LMO1: variants seen among roughly 807,000 people sequenced by gnomAD.
LMO1 encodes LIM domain only 1, also known as rhombotin-1.
Under a neutral mutation model 18.0 loss-of-function variants are expected in LMO1, and 10 were observed. The observed-to-expected ratio is 0.55, with a 90% confidence interval of 0.34 to 0.94. The LOEUF (loss-of-function observed/expected upper bound fraction) is 0.94. Among genes scored for constraint, LMO1 ranks in the 40% least tolerant of loss-of-function variants. The pLI, the probability that LMO1 is intolerant of heterozygous loss-of-function variation, is 0.02. For synonymous variants in LMO1, 77 were observed against 77.9 expected, an observed-to-expected ratio of 0.99 and a Z score of 0.06; for missense variants, 183 against 205.7, an observed-to-expected ratio of 0.89 and a Z score of 0.68.
chr11:8,262,664 G>C (rs1322582443), intron 1 of LMO1, among the ~76,000 whole-genome samples: 1 of 152,244 alleles, frequency 6.6e-6, no homozygotes, highest in African/African-American at 2.4e-5. Context: ...GGCCGGCGGC[G>C]GGACACTTTC....
At chr11:8,245,228 A>G (rs1396564853) in intron 1 of LMO1, among the ~76,000 whole-genome samples, 1 of 152,088 alleles carries the variant, frequency 6.6e-6, no homozygotes, top group Admixed American at 6.6e-5. Context: ...AGAGCCTACA[A>G]CTGGCCATGT....
chr11:8,257,910 A>G (rs1054004011), intron 1 of LMO1, among the ~76,000 whole-genome samples: 1 of 152,232 alleles, frequency 6.6e-6, no homozygotes, highest in African/African-American at 2.4e-5. Flanking sequence ...GCATGGAGCA[A>G]TGTTGCTCCA....
intron 1 of LMO1, among the ~76,000 whole-genome samples, chr11:8,256,253 G>A (rs181512735): frequency 6.6e-6 from 1 of 152,208 alleles, no homozygotes; most frequent in East Asian, 1.9e-4. Flanking sequence ...ATTCATACAA[G>A]CATGAAACTT....
At chr11:8,230,957 G>A (rs74972056) in intron 1 of LMO1, among the ~76,000 whole-genome samples, 5 of 152,204 alleles carry the variant, frequency 3.3e-5, no homozygotes, top group African/African-American at 1.2e-4. Flanking sequence ...GTGCCAACTC[G>A]TCTTTCTCCA....
chr11:8,257,822 A>C (rs1847123234), intron 1 of LMO1, among the ~76,000 whole-genome samples: 1 of 152,250 alleles, frequency 6.6e-6, no homozygotes, highest in Admixed American at 6.5e-5. Flanking sequence ...TGGCAGAGTG[A>C]GGGTGCAGGC....
At position 8,263,411 on chromosome 11, in the gene LMO1, C is replaced by T; in HGVS notation, c.-49G>A. On this transcript the variant is annotated 5_prime_UTR_variant, in exon 1 of 4. Coordinates refer to ENST00000335790, the MANE Select transcript of LMO1 (RefSeq NM_002315.3). ...CAGCTAGGCTCGGCCGGGAGAAGGG[C>T]GCCGACTCGGGGCGCGCTTTGGAGG... 6.3e-7 allele frequency: 1 copy of T among 1,592,390 alleles called. No homozygotes were observed. Among genetic ancestry groups the T allele is most frequent in the Non-Finnish European group, 8.5e-7 (1 of 1,174,080 alleles).
intron 1 of LMO1, among the ~76,000 whole-genome samples, chr11:8,231,332 G>A (rs1478822394): frequency 2.0e-5 from 3 of 152,238 alleles, no homozygotes; most frequent in Non-Finnish European, 4.4e-5. Context: ...AGAGCCTCCC[G>A]TCGCGGCAGG....
rs936707500 is a variant in LMO1, at chr11:8,224,527, C to G, written c.*89G>C. ...ATGTGGCAGGAGAGCGGCTGGCCAGCCTGCACTGGTAGAGTGGCTGGCTGG... is the reference window on the plus strand; with the variant it reads ...ATGTGGCAGGAGAGCGGCTGGCCAGGCTGCACTGGTAGAGTGGCTGGCTGG... On this transcript the variant is annotated 3_prime_UTR_variant, in exon 4 of 4. Coordinates refer to ENST00000335790, the MANE Select transcript of LMO1 (RefSeq NM_002315.3). 4.0e-6 allele frequency: 3 copies of G among 755,536 alleles called. No individual in the cohort carries two copies. Among genetic ancestry groups the G allele is most frequent in the African/African-American group, 3.5e-5 (2 of 57,700 alleles). 46.8% of individuals were successfully genotyped at this position (755,536 alleles called of 1,614,324 possible). A position where few individuals can be genotyped will look rare whatever the true frequency, so the allele number is the denominator to read the frequency against.
Position 8,226,899 on chromosome 11 carries a change from C to T in LMO1, c.365+76G>A, listed in dbSNP as rs771352251. On this transcript the variant is annotated intron_variant, in intron 3 of 3. Coordinates refer to ENST00000335790, the MANE Select transcript of LMO1 (RefSeq NM_002315.3). ...CCCGCATTTGCGTGCACGCCTCCGCCGTGCTCCTGGCCCATCCCAGCAGGC... is the reference window on the plus strand; with the variant it reads ...CCCGCATTTGCGTGCACGCCTCCGCTGTGCTCCTGGCCCATCCCAGCAGGC... 233 of 1,530,246 alleles carry T rather than the reference C, an allele frequency of 1.5e-4. 1 individual carries two copies. Among genetic ancestry groups the T allele is most frequent in the Middle Eastern group, 1.1e-3 (5 of 4,586 alleles). The allele number at this position is 1,530,246 out of a possible 1,614,324, so 94.8% of individuals were successfully genotyped here.
At position 8,263,645 on chromosome 11, in the gene LMO1, GA is replaced by G; in HGVS notation, c.-284del. On this transcript the variant is annotated 5_prime_UTR_variant, in exon 1 of 4. Coordinates refer to ENST00000335790, the MANE Select transcript of LMO1 (RefSeq NM_002315.3). ...GAGGGAGAGAGAAGGGGGAAAAGAG[GA>G]TCAGAGCCGTTTCTTTGATTCTCAC... 2.3e-6 allele frequency: 3 copies of G among 1,324,400 alleles called. No individual in the cohort carries two copies. The highest frequency in any genetic ancestry group is 1.5e-5 in the African/African-American group (1 of 65,210). 82.0% of individuals were successfully genotyped at this position (1,324,400 alleles called of 1,614,324 possible).
chr11:8,267,891 C>T (rs374618865), upstream of LMO1, among the ~76,000 whole-genome samples: 9 of 152,346 alleles, frequency 5.9e-5, no homozygotes, highest in East Asian at 1.4e-3. Context: ...TGTCAGCCAT[C>T]CCGCAGCTAC....
intron 1 of LMO1, among the ~76,000 whole-genome samples, chr11:8,257,697 T>A (rs972431015): frequency 6.6e-6 from 1 of 152,100 alleles, no homozygotes; most frequent in African/African-American, 2.4e-5. Flanking sequence ...TTGCAAAGAG[T>A]GGTCCTAGAG....
At chr11:8,243,790 A>G (rs1463596938) in intron 1 of LMO1, among the ~76,000 whole-genome samples, 1 of 152,188 alleles carries the variant, frequency 6.6e-6, no homozygotes, top group African/African-American at 2.4e-5. Context: ...CCCCAGGCCC[A>G]CAGTAGGAAG....
intron 1 of LMO1, among the ~76,000 whole-genome samples, chr11:8,247,593 G>A (rs969786456): frequency 2.6e-5 from 4 of 152,366 alleles, no homozygotes; most frequent in South Asian, 4.1e-4. Flanking sequence ...CCTCATCTCC[G>A]CAGAGGCGAC....
rs1229051658 is a variant in LMO1, at chr11:8,227,106, G to A, written c.240-6C>T. 12 of 1,612,248 alleles carry A rather than the reference G, an allele frequency of 7.4e-6. No individual in the cohort carries two copies. The highest frequency in any genetic ancestry group is 1.3e-5 in the African/African-American group (1 of 75,044). On this transcript the variant is annotated splice_polypyrimidine_tract_variant and splice_region_variant and intron_variant, in intron 2 of 3. Transcript: ENST00000335790. The stretch of plus-strand genomic sequence containing the variant: ...TCCCTGTGGTGCCAAAGAGCCTGCC[G>A]AGGGAAGGGCGCAGAGGACTCAGCA...
At chr11:8,236,363 G>C (rs1486536152) in intron 1 of LMO1, among the ~76,000 whole-genome samples, 1 of 150,330 alleles carries the variant, frequency 6.7e-6, no homozygotes, top group African/African-American at 2.5e-5. Context: ...GCTAATTTTT[G>C]GGGGGAGGAA....
At chr11:8,251,890 T>G (rs1590555229) in intron 1 of LMO1, among the ~76,000 whole-genome samples, 1 of 135,862 alleles carries the variant, frequency 7.4e-6, no homozygotes, top group African/African-American at 2.7e-5. Flanking sequence ...TGTGTATAGG[T>G]GTGTATGGGA....
chr11:8,245,355 G>A (rs112059832), intron 1 of LMO1, among the ~76,000 whole-genome samples: 9 of 152,204 alleles, frequency 5.9e-5, no homozygotes, highest in African/African-American at 1.7e-4. Flanking sequence ...TGTGAACTCC[G>A]GCAAGTCATT....
intron 1 of LMO1, among the ~76,000 whole-genome samples, chr11:8,257,404 G>A (rs1847115187): frequency 6.6e-6 from 1 of 152,202 alleles, no homozygotes; most frequent in Non-Finnish European, 1.5e-5. Context: ...GTGTCCCTCA[G>A]CACCTTTCAC....
Sources: allele counts gnomAD v4.1 joint callset (sites outside exome capture counted in the v4.1 genomes callset), GRCh38; gene constraint gnomAD v4.1.1; transcripts MANE v1.5; gene names NCBI Gene and HGNC (gene_info 2026-07-23, HGNC 2026-07-21).